The following MCC variants were observed in gnomAD, a reference collection of about 807,000 sequenced individuals.
MCC encodes colorectal mutant cancer protein.
Under a neutral mutation model 116.2 loss-of-function variants are expected in MCC, and 90 were observed. That is an observed-to-expected ratio of 0.77 (90% CI 0.65 to 0.92). The LOEUF (loss-of-function observed/expected upper bound fraction) is 0.92, where lower values mean the gene tolerates loss of function less well. Among genes scored for constraint, MCC ranks in the 40% least tolerant of loss-of-function variants. The probability of loss-of-function intolerance (pLI) is 0.00; values close to 1 mark genes in which losing one functional copy is unlikely to be tolerated. For missense variants in MCC, 1,516 were observed against 1,312.2 expected, an observed-to-expected ratio of 1.16 and a Z score of -2.40; for synonymous variants, 578 against 510.5, an observed-to-expected ratio of 1.13 and a Z score of -1.78.
At chr5:113,441,951 A>G (rs1038735260) in intron 1 of MCC, among the ~76,000 whole-genome samples, 3 of 152,214 alleles carry the variant, frequency 2.0e-5, no homozygotes, top group Admixed American at 6.5e-5. Context: ...GCTGCAATAA[A>G]CATACATGTG....
Position 113,434,332 on chromosome 5 carries a change from C to A in MCC, c.171-49120G>T. 6.2e-7 allele frequency: 1 copy of A among 1,613,814 alleles called. No individual in the cohort carries two copies. The highest frequency in any genetic ancestry group is 8.5e-7 in the Non-Finnish European group (1 of 1,179,822). ...GACCCACAGAAGGTCTTGCTTAATG[C>A]CATTCGACCACTGTCATCCCGCAGG... On this transcript the variant is annotated intron_variant, in intron 1 of 18. Transcript: ENST00000408903. This position sits in a 1 kb window ranked among gnomAD's most constrained non-coding sequence, Gnocchi z 4.2.
intron 5 of MCC, among the ~76,000 whole-genome samples, chr5:113,135,753 G>T (rs1447255069): frequency 6.6e-6 from 1 of 151,174 alleles, no homozygotes; most frequent in African/African-American, 2.4e-5. Flanking sequence ...TATATAAAAT[G>T]ATAGGAGAGG....
rs190067725 is a variant in MCC at position 113,069,890 on chromosome 5, T to C, written c.1925+1204A>G. ...CGTGAGCCACCGCGCCCAGCGTCAA[T>C]TGACTTTATTTTCATTGTCCTTTAC... On this transcript the variant is annotated intron_variant, in intron 12 of 18. Transcript: ENST00000408903. 3.8e-4 allele frequency among the ~76,000 whole-genome samples: 58 copies of C among 152,330 alleles called. 2 individuals are homozygous for C. Among genetic ancestry groups the C allele is most frequent in the African/African-American group, 1.3e-3 (54 of 41,566 alleles).
At chr5:113,247,274 G>A (rs576730421) in intron 3 of MCC, among the ~76,000 whole-genome samples, 1 of 152,290 alleles carries the variant, frequency 6.6e-6, no homozygotes, top group East Asian at 1.9e-4. Flanking sequence ...TGCATTCAGT[G>A]GAAAGAGTAG....
rs139327352 is a variant in MCC, at chr5:113,114,067, C to G, written c.1027+8617G>C. Among the ~76,000 whole-genome samples the G allele has an allele frequency of 9.1e-3, 1,364 of 150,588 alleles. 15 individuals are homozygous for G. Among genetic ancestry groups the G allele is most frequent in the Middle Eastern group, 0.02 (6 of 294 alleles). On this transcript the variant is annotated intron_variant, in intron 6 of 18. Transcript: ENST00000408903. ...TTTAGGGGGTGAAGCATCATGGCAT[C>G]TGCAACTTTTAAATGGCTTAGAAAA...
At chr5:113,455,663 T>C (rs1403146228) in intron 1 of MCC, among the ~76,000 whole-genome samples, 1 of 152,206 alleles carries the variant, frequency 6.6e-6, no homozygotes, top group Non-Finnish European at 1.5e-5. Flanking sequence ...CAGTATACAA[T>C]AGCCCCAGAG....
intron 1 of MCC, among the ~76,000 whole-genome samples, chr5:113,465,890 T>C (rs868460421): frequency 2.6e-5 from 4 of 152,312 alleles, no homozygotes; most frequent in Admixed American, 6.5e-5. Flanking sequence ...GGCACTCTTA[T>C]AGACTGCTGA....
chr5:113,038,339 C>A (rs1751457676), intron 17 of MCC, among the ~76,000 whole-genome samples: 1 of 152,192 alleles, frequency 6.6e-6, no homozygotes, highest in Middle Eastern at 3.4e-3. Flanking sequence ...GAGTCATGTA[C>A]TTGGCTGAGT....
chr5:113,378,506 T>C (rs954642851), intron 2 of MCC, among the ~76,000 whole-genome samples: 4 of 152,344 alleles, frequency 2.6e-5, no homozygotes, highest in Middle Eastern at 3.4e-3. Flanking sequence ...CAGGTTGTTA[T>C]GTCTACTATC....
intron 3 of MCC, among the ~76,000 whole-genome samples, chr5:113,252,553 A>C (rs1325085142): frequency 6.6e-6 from 1 of 152,172 alleles, no homozygotes; most frequent in Non-Finnish European, 1.5e-5. Flanking sequence ...ATTCCCATTG[A>C]TTCTGTATTA....
intron 3 of MCC, among the ~76,000 whole-genome samples, chr5:113,172,964 A>T (rs772822997): frequency 1.9e-4 from 29 of 152,228 alleles, no homozygotes; most frequent in Non-Finnish European, 3.1e-4. Context: ...TACTGGACAC[A>T]TGAATTTGTT....
chr5:113,053,210 GAAACACT>G (rs1752597226), intron 15 of MCC, among the ~76,000 whole-genome samples: 1 of 152,126 alleles, frequency 6.6e-6, no homozygotes, highest in Non-Finnish European at 1.5e-5. Context: ...CAGATCCACT[GAAACACT>G]GACCTCAACA....
intron 2 of MCC, among the ~76,000 whole-genome samples, chr5:113,375,483 A>G (rs1035649694): frequency 1.3e-5 from 2 of 152,226 alleles, no homozygotes; most frequent in Non-Finnish European, 2.9e-5. Flanking sequence ...TAAAACAGCA[A>G]CAATTTACTG....
rs114655130 is a variant in MCC at position 113,443,410 on chromosome 5, G to A, written c.170+44835C>T. Among the ~76,000 whole-genome samples, 1,311 of 152,260 alleles carry A rather than the reference G, an allele frequency of 8.6e-3. 10 individuals carry two copies. The highest frequency in any genetic ancestry group is 0.014 in the Non-Finnish European group (948 of 68,012). ...GGAGATTTTGGTCTGAGATGATGGG[G>A]TTTTTTAAACATACAATCATGTCAT... is the stretch of plus-strand genomic sequence containing the variant. On this transcript the variant is annotated intron_variant, in intron 1 of 18. Transcript: ENST00000408903.
At chr5:113,226,417 T>C (rs1458658525) in intron 3 of MCC, among the ~76,000 whole-genome samples, 1 of 152,236 alleles carries the variant, frequency 6.6e-6, no homozygotes, top group Non-Finnish European at 1.5e-5. Flanking sequence ...AATGAACATA[T>C]CTGCACAGGA....
At chr5:113,251,602 T>A (rs1241966065) in intron 3 of MCC, among the ~76,000 whole-genome samples, 1 of 152,200 alleles carries the variant, frequency 6.6e-6, no homozygotes, top group Non-Finnish European at 1.5e-5. Flanking sequence ...AAGCTTCTCA[T>A]ACTTACCCCA....
intron 7 of MCC, among the ~76,000 whole-genome samples, chr5:113,103,122 TA>T (rs1756527788): frequency 6.6e-6 from 1 of 151,614 alleles, no homozygotes; most frequent in South Asian, 2.1e-4. Context: ...TAAAAAAAAA[TA>T]ATAAAAATAA....
At chr5:113,433,996 CAG>C in intron 1 of MCC, 1 of 1,614,030 alleles carries the variant, frequency 6.2e-7, no homozygotes. Context: ...TTGATGGCCA[CAG>C]AGGGAGATCC....
chr5:113,128,418 TG>T (rs1207614404), intron 5 of MCC, among the ~76,000 whole-genome samples: 1 of 152,262 alleles, frequency 6.6e-6, no homozygotes, highest in Non-Finnish European at 1.5e-5. Context: ...CAAAGTTTTT[TG>T]TTTTTTGTTT....
Sources: gnomAD v4.1 joint callset for allele counts (sites outside exome capture counted in the v4.1 genomes callset) on GRCh38, gnomAD v4.1.1 for gene constraint, Gnocchi (gnomAD v3.1) non-coding constraint, MANE v1.5 for transcripts, NCBI Gene and HGNC (gene_info 2026-07-23, HGNC 2026-07-21) for gene names.